Variants in SPAG16 observed in about 807,000 individuals in gnomAD.
The protein encoded by SPAG16 is sperm-associated antigen 16 protein.
A neutral mutation model predicts 80.4 loss-of-function variants in SPAG16; 86 were observed. The ratio of observed to expected loss-of-function variants is 1.07; its 90% CI spans 0.90 to 1.28. The LOEUF (loss-of-function observed/expected upper bound fraction) is 1.28. Ranked by LOEUF, SPAG16 falls within the 50% of genes most tolerant of loss-of-function variation. SPAG16 has a pLI of 0.00. For synonymous variants in SPAG16, 294 were observed against 265.9 expected (o/e 1.11, Z -1.03); for missense variants, 870 against 765.3 (o/e 1.14, Z -1.61).
At chr2:214,069,937 A>G (rs1559756771) in intron 13 of SPAG16, among the ~76,000 whole-genome samples, 1 of 152,160 alleles carries the variant, frequency 6.6e-6, no homozygotes, top group Admixed American at 6.6e-5. Context: ...TCTTTGTTCA[A>G]TAAACTGGAG....
chr2:213,853,129 T>C (rs2074989128), intron 10 of SPAG16, among the ~76,000 whole-genome samples: 2 of 152,236 alleles, frequency 1.3e-5, no homozygotes, highest in Non-Finnish European at 2.9e-5. Context: ...GCTGTGGCAA[T>C]AATTAGAGCC....
intron 15 of SPAG16, among the ~76,000 whole-genome samples, chr2:214,403,884 T>G (rs1169479615): frequency 1.3e-5 from 2 of 152,286 alleles, no homozygotes; most frequent in East Asian, 3.9e-4. Flanking sequence ...ATGAATGAAA[T>G]GCAATAAGTG....
intron 10 of SPAG16, among the ~76,000 whole-genome samples, chr2:213,560,995 C>G (rs921544240): frequency 6.6e-6 from 1 of 152,182 alleles, no homozygotes; most frequent in African/African-American, 2.4e-5. Flanking sequence ...TCCCGAGTAA[C>G]TGGGATTACA....
rs1281816040 is a variant in SPAG16 at position 213,285,794 on chromosome 2, A to C, written c.136+1175A>C. The C allele has an allele frequency of 5.5e-6, 4 of 723,424 alleles. No individual in the cohort carries two copies. In the African/African-American group the frequency reaches 7.5e-5, roughly 13 times the overall value. 44.8% of individuals were successfully genotyped at this position (723,424 alleles called of 1,614,324 possible). A position where few individuals can be genotyped will look rare whatever the true frequency, so the allele number is the denominator to read the frequency against. On this transcript the variant is annotated intron_variant, in intron 1 of 15. Transcript: ENST00000331683. ...AAATATATGGGTGCTTTAGTGTCAT[A>C]AATGAGGTTTTATACTGTTTTCGTA...
At chr2:213,303,936 T>G (rs1275879823) in intron 3 of SPAG16, among the ~76,000 whole-genome samples, 1 of 152,134 alleles carries the variant, frequency 6.6e-6, no homozygotes, top group Non-Finnish European at 1.5e-5. Flanking sequence ...ACTCTTACTT[T>G]TAGTTTTTTT....
At chr2:213,879,761 C>A (rs960391831) in intron 11 of SPAG16, among the ~76,000 whole-genome samples, 1 of 151,994 alleles carries the variant, frequency 6.6e-6, no homozygotes, top group African/African-American at 2.4e-5. Context: ...TGCATTGGTT[C>A]ACTTTGGATT....
intron 15 of SPAG16, among the ~76,000 whole-genome samples, chr2:214,261,723 T>C (rs1173388138): frequency 6.6e-6 from 1 of 152,208 alleles, no homozygotes; most frequent in Non-Finnish European, 1.5e-5. Context: ...TCTATCATCT[T>C]GGATATAATA....
chr2:213,878,087 T>C (rs948708550), intron 11 of SPAG16, among the ~76,000 whole-genome samples: 4 of 152,162 alleles, frequency 2.6e-5, no homozygotes, highest in African/African-American at 9.7e-5. Flanking sequence ...TTCCTGTTCA[T>C]CTTTATTTTG....
intron 10 of SPAG16, among the ~76,000 whole-genome samples, chr2:213,599,208 A>T (rs1353854440): frequency 6.6e-6 from 1 of 152,224 alleles, no homozygotes; most frequent in African/African-American, 2.4e-5. Context: ...AAGAAGAAGG[A>T]CAATTCTTAA....
intron 13 of SPAG16, among the ~76,000 whole-genome samples, chr2:214,067,948 A>T (rs567967505): frequency 6.6e-6 from 1 of 152,302 alleles, no homozygotes. Context: ...TTACTTTGTA[A>T]ATAGAATTCA....
intron 15 of SPAG16, among the ~76,000 whole-genome samples, chr2:214,268,121 G>A (rs923097638): frequency 2.6e-5 from 4 of 151,056 alleles, no homozygotes; most frequent in African/African-American, 9.7e-5. Context: ...AAACCACAAT[G>A]AGAGATTGCC....
intron 9 of SPAG16, among the ~76,000 whole-genome samples, chr2:213,485,602 C>G (rs1015583230): frequency 6.6e-6 from 1 of 151,478 alleles, no homozygotes; most frequent in African/African-American, 2.4e-5. Context: ...ACTGTGAATC[C>G]TTGGAGTGGA....
chr2:213,982,610 GGTGTGTGTGTGTGTGTGTGTGT>G (rs57529616), intron 12 of SPAG16, among the ~76,000 whole-genome samples: 9 of 141,926 alleles, frequency 6.3e-5, no homozygotes, highest in African/African-American at 1.8e-4. Flanking sequence ...TATAGTTTCT[GGTGTGTGTGTGTGTGTGTGTGT>G]GTGTGTGTGT....
chr2:213,662,391 C>A (rs1049214080), intron 10 of SPAG16, among the ~76,000 whole-genome samples: 1 of 152,206 alleles, frequency 6.6e-6, no homozygotes, highest in East Asian at 1.9e-4. Context: ...GTGGAAAAAA[C>A]GAAAGGCAAT....
At chr2:214,147,977 TATTAAC>T (rs2055746123) in intron 14 of SPAG16, among the ~76,000 whole-genome samples, 4 of 152,146 alleles carry the variant, frequency 2.6e-5, no homozygotes, top group Admixed American at 2.6e-4. Flanking sequence ...ATAATTAAGG[TATTAAC>T]ATTAACATTT....
At chr2:213,331,062 T>C (rs1378922602) in intron 5 of SPAG16, among the ~76,000 whole-genome samples, 1 of 152,222 alleles carries the variant, frequency 6.6e-6, no homozygotes, top group African/African-American at 2.4e-5. Flanking sequence ...ATGCACAGTG[T>C]GAAAATGGAC....
chr2:214,346,564 G>C (rs1248207900), intron 15 of SPAG16, among the ~76,000 whole-genome samples: 1 of 152,096 alleles, frequency 6.6e-6, no homozygotes, highest in Admixed American at 6.6e-5. Flanking sequence ...ATCTGTAGAA[G>C]CTTGTGATTT....
intron 15 of SPAG16, among the ~76,000 whole-genome samples, chr2:214,303,501 A>C (rs1226818420): frequency 6.6e-6 from 1 of 152,146 alleles, no homozygotes; most frequent in Non-Finnish European, 1.5e-5. Flanking sequence ...CTTATTCTGA[A>C]GGTATTTTCT....
rs914028345 is a variant in SPAG16, at chr2:213,972,444, C to T, written c.1401-41507C>T. Among the ~76,000 whole-genome samples the T allele has an allele frequency of 1.1e-4, 16 of 152,196 alleles. No homozygotes were observed. In the East Asian group the frequency reaches 1.2e-3, roughly 11 times the overall value. On this transcript the variant is annotated intron_variant, in intron 12 of 15. Transcript: ENST00000331683. ...CAGTTCAAACCTGAAGGCCTGAGAA[C>T]GAGGTGCACTGATACCTGATGCAGG... is the stretch of plus-strand genomic sequence containing the variant.
Sources: allele counts gnomAD v4.1 joint callset (sites outside exome capture counted in the v4.1 genomes callset), GRCh38; gene constraint gnomAD v4.1.1; transcripts MANE v1.5; gene names NCBI Gene and HGNC (gene_info 2026-07-23, HGNC 2026-07-21).